Variants in TENM2 observed in about 807,000 individuals in gnomAD.
TENM2 encodes teneurin-2.
TENM2 carries 52 observed loss-of-function variants against 245.2 expected under a neutral mutation model. That is an observed-to-expected ratio of 0.21 (90% CI 0.17 to 0.27). The LOEUF (loss-of-function observed/expected upper bound fraction) is 0.27, where lower values mean the gene tolerates loss of function less well. Ranked by LOEUF, TENM2 falls within the 10% of genes least tolerant of loss-of-function variation. TENM2 has a pLI of 1.00. For missense variants in TENM2, 3,046 were observed against 3,666.8 expected (o/e 0.83, Z 4.37); for synonymous variants, 1,363 against 1,438.9 (o/e 0.95, Z 1.19).
intron 2 of TENM2, among the ~76,000 whole-genome samples, chr5:167,529,427 G>C (rs1185990965): frequency 1.3e-5 from 2 of 152,176 alleles, no homozygotes; most frequent in Non-Finnish European, 2.9e-5. Flanking sequence ...CAGCAATGTT[G>C]CTATAACTAG....
chr5:167,567,977 C>CAAAA (rs70976435), intron 2 of TENM2, among the ~76,000 whole-genome samples: 4,463 of 141,832 alleles, frequency 0.031, 209 homozygotes, highest in East Asian at 0.22. Context: ...ATATATTGTA[C>CAAAA]AAAAAAAAAA....
At chr5:167,524,187 G>C (rs1287086795) in intron 2 of TENM2, among the ~76,000 whole-genome samples, 1 of 152,108 alleles carries the variant, frequency 6.6e-6, no homozygotes, top group Non-Finnish European at 1.5e-5. Context: ...GATAAACTGT[G>C]TATTTCTTTA....
chr5:167,816,802 C>T (rs1411114214), intron 2 of TENM2, among the ~76,000 whole-genome samples: 1 of 151,908 alleles, frequency 6.6e-6, no homozygotes, highest in Non-Finnish European at 1.5e-5. Flanking sequence ...GTACAAATGG[C>T]CCAGCAAAGT....
chr5:167,107,866 C>G, the TENM2 span, among the ~76,000 whole-genome samples: 1 of 152,214 alleles, frequency 6.6e-6, no homozygotes, highest in Non-Finnish European at 1.5e-5. Context: ...TCTGATTCAG[C>G]TGCAAGACAT....
chr5:167,292,179 A>ATTCAAGATG (rs1754680419), intron 1 of TENM2, among the ~76,000 whole-genome samples: 1 of 152,316 alleles, frequency 6.6e-6, no homozygotes, highest in South Asian at 2.1e-4. Flanking sequence ...GGGAGCTACA[A>ATTCAAGATG]TTCAAGATGA....
At chr5:168,107,136 C>T (rs13154912) in intron 9 of TENM2, among the ~76,000 whole-genome samples, 3 of 152,174 alleles carry the variant, frequency 2.0e-5, no homozygotes, top group Non-Finnish European at 2.9e-5. Flanking sequence ...CCGCCAGGCA[C>T]GTTCCATCAC....
At chr5:167,999,878 G>T (rs963184594) in intron 5 of TENM2, among the ~76,000 whole-genome samples, 1 of 152,218 alleles carries the variant, frequency 6.6e-6, no homozygotes, top group African/African-American at 2.4e-5. Context: ...AGTGATAGGT[G>T]CCACAACCCT....
chr5:168,031,956 A>C (rs188458316), intron 5 of TENM2, among the ~76,000 whole-genome samples: 75 of 152,298 alleles, frequency 4.9e-4, no homozygotes, highest in African/African-American at 1.7e-3. Flanking sequence ...TTATTCCTAC[A>C]AAAGCCTAGT....
chr5:167,662,944 A>C (rs1267552971), intron 2 of TENM2, among the ~76,000 whole-genome samples: 1 of 152,176 alleles, frequency 6.6e-6, no homozygotes, highest in East Asian at 1.9e-4. Flanking sequence ...ACTTAACACA[A>C]GATGTTTTCA....
intron 2 of TENM2, among the ~76,000 whole-genome samples, chr5:167,556,537 T>C (rs1234086606): frequency 6.6e-6 from 1 of 152,086 alleles, no homozygotes; most frequent in African/African-American, 2.4e-5. Flanking sequence ...GAGGAAACAA[T>C]ACATATGTAC....
rs376503269 is a variant in TENM2, at chr5:168,247,862, G to A, written c.6923G>A (p.Arg2308Gln). ...TACCGCTATGATGGCGTAGGACGGCGGGCTTCCTACAAGACCAACCTGGGC... is the reference window on the plus strand; with the variant it reads ...TACCGCTATGATGGCGTAGGACGGCAGGCTTCCTACAAGACCAACCTGGGC... Residue 2308 changes from arginine to glutamine, a missense_variant, in exon 27 of 29, where the codon CGG (arginine) becomes CAG (glutamine). Coordinates refer to ENST00000518659, the Ensembl canonical transcript of TENM2. The surrounding 1 kb of genome is among the most constrained non-coding windows in gnomAD (Gnocchi z 7.8). 4.9e-5 allele frequency: 79 copies of A among 1,613,812 alleles called. No homozygotes were observed. The highest frequency in any genetic ancestry group is 6.4e-5 in the Non-Finnish European group (75 of 1,179,892).
the TENM2 span, among the ~76,000 whole-genome samples, chr5:167,160,333 G>A: frequency 2.0e-5 from 3 of 152,234 alleles, no homozygotes; most frequent in Non-Finnish European, 1.5e-5. Flanking sequence ...GCCGCTGCCA[G>A]TGTTGCTGCT....
the TENM2 span, among the ~76,000 whole-genome samples, chr5:167,216,813 G>T: frequency 6.6e-6 from 1 of 152,012 alleles, no homozygotes; most frequent in Non-Finnish European, 1.5e-5. Flanking sequence ...TGTAGTCCCA[G>T]CTACTTGAGA....
At chr5:167,398,443 T>TG (rs981971636) in intron 2 of TENM2, among the ~76,000 whole-genome samples, 5 of 151,002 alleles carry the variant, frequency 3.3e-5, no homozygotes, top group Admixed American at 6.6e-5. Flanking sequence ...TATTTTTTTT[T>TG]TTTTTGAGAC....
intron 2 of TENM2, among the ~76,000 whole-genome samples, chr5:167,778,446 A>G (rs1763960477): frequency 6.6e-6 from 1 of 152,196 alleles, no homozygotes; most frequent in Non-Finnish European, 1.5e-5. Flanking sequence ...AAAGGAGATT[A>G]TCTGACAGTG....
intron 2 of TENM2, among the ~76,000 whole-genome samples, chr5:167,631,425 T>C (rs1335529671): frequency 6.6e-6 from 1 of 152,060 alleles, no homozygotes; most frequent in Non-Finnish European, 1.5e-5. Flanking sequence ...GGTCTTAGTA[T>C]AGAACCTGTT....
Position 167,759,302 on chromosome 5 carries a change from A to G in TENM2, c.503-116684A>G, listed in dbSNP as rs191279659. On this transcript the variant is annotated intron_variant, in intron 2 of 28. Coordinates refer to ENST00000518659, the Ensembl canonical transcript of TENM2. ...TATCAGTTCCTTCAAAGAACTTAGC[A>G]CATATGAGGGTGTTAAATGTTCATA... Among the ~76,000 whole-genome samples, 180 of 152,138 alleles carry G rather than the reference A, an allele frequency of 1.2e-3. 1 individual carries two copies. The highest frequency in any genetic ancestry group is 4.1e-3 in the African/African-American group (169 of 41,502).
chr5:167,132,961 A>G, the TENM2 span, among the ~76,000 whole-genome samples: 1 of 152,196 alleles, frequency 6.6e-6, no homozygotes. Context: ...GTGTCATACA[A>G]AACCTTTATT....
At chr5:168,065,838 G>A (rs1423983687) in intron 7 of TENM2, among the ~76,000 whole-genome samples, 2 of 147,656 alleles carry the variant, frequency 1.4e-5, no homozygotes, top group Non-Finnish European at 3.0e-5. Flanking sequence ...AATAATGGTA[G>A]CCTCAAAGAA....
Sources: allele counts gnomAD v4.1 joint callset (sites outside exome capture counted in the v4.1 genomes callset), GRCh38; gene constraint gnomAD v4.1.1; non-coding constraint Gnocchi (gnomAD v3.1); transcripts MANE v1.5; gene names NCBI Gene and HGNC (gene_info 2026-07-23, HGNC 2026-07-21).